The following CHODL variants were observed in gnomAD, a reference collection of about 807,000 sequenced individuals.
CHODL encodes the protein chondrolectin.
Under a neutral mutation model 34.5 loss-of-function variants are expected in CHODL, and 29 were observed. The observed-to-expected ratio is 0.84, with a 90% CI of 0.63 to 1.15. CHODL has a LOEUF of 1.15. CHODL is among the 50% of genes most tolerant of loss of function. The pLI is 0.00. For missense variants in CHODL, 332 were observed against 332.5 expected, an observed-to-expected ratio of 1.00 and a Z score of 0.01; for synonymous variants, 125 against 116.1, an observed-to-expected ratio of 1.08 and a Z score of -0.49.
At chr21:18,198,029 A>G (rs773659669) in intron 2 of CHODL, among the ~76,000 whole-genome samples, 1 of 152,262 alleles carries the variant, frequency 6.6e-6, no homozygotes, top group Admixed American at 6.5e-5. Flanking sequence ...ATGAAAAGCC[A>G]TTGTTATTAG....
In CHODL at chr21:18,256,714, T is replaced by G; in HGVS notation, c.285T>G (p.Ser95=). Reference sequence around the variant, plus strand: ...TGACAAAACCCGGGACAGGGATTTCTGATGGTGATTTCTGGATAGGGCTTT... The same window carrying G: ...TGACAAAACCCGGGACAGGGATTTCGGATGGTGATTTCTGGATAGGGCTTT... ...QNLTKPGTGI[S]DGDFWIGLWR... The change falls in exon 2 of 6, where the codon TCT becomes TCG. Residue 95 remains serine (S), a synonymous_variant. Coordinates refer to ENST00000299295, the MANE Select transcript of CHODL (RefSeq NM_024944.3). The G allele has an allele frequency of 6.2e-7, 1 of 1,614,106 alleles. No individual in the cohort carries two copies.
chr21:18,009,901 T>A (rs866639206), intron 1 of CHODL, among the ~76,000 whole-genome samples: 1,135 of 99,932 alleles, frequency 0.011, 3 homozygotes, highest in Middle Eastern at 0.042. Flanking sequence ...AAAAAAAAAA[T>A]AACATTTGGG....
intron 1 of CHODL, among the ~76,000 whole-genome samples, chr21:18,014,548 C>G (rs1340374596): frequency 6.6e-6 from 1 of 152,124 alleles, no homozygotes; most frequent in African/African-American, 2.4e-5. Context: ...ATCCCCAGTG[C>G]TGGAAGTGGG....
intron 2 of CHODL, among the ~76,000 whole-genome samples, chr21:18,100,992 G>T (rs1465430127): frequency 6.6e-6 from 1 of 152,062 alleles, no homozygotes; most frequent in Non-Finnish European, 1.5e-5. Flanking sequence ...TAAGTTTTGT[G>T]TGTGTTTGAA....
rs572874901 is a variant in CHODL at position 17,919,003 on chromosome 21, A to T, written c.-145+1603A>T. Among the ~76,000 whole-genome samples the T allele has an allele frequency of 9.8e-5, 15 of 152,340 alleles. 2 individuals carry two copies. The highest frequency in any genetic ancestry group is 3.6e-4 in the African/African-American group (15 of 41,594). On this transcript the variant is annotated intron_variant, in intron 1 of 6. Transcript: ENST00000400127. ...TCCTTTAACTCCATGCCTCACACCC[A>T]GGTCATGCTGATGTGAGAGGTGGGC...
intron 2 of CHODL, among the ~76,000 whole-genome samples, chr21:18,056,530 A>T (rs1484837611): frequency 6.6e-6 from 1 of 151,016 alleles, no homozygotes; most frequent in East Asian, 1.9e-4. Context: ...TAATTCAAAA[A>T]CTTCTGTTCT....
intron 1 of CHODL, among the ~76,000 whole-genome samples, chr21:17,987,328 C>T (rs1363998070): frequency 6.6e-6 from 1 of 152,150 alleles, no homozygotes; most frequent in Non-Finnish European, 1.5e-5. Flanking sequence ...GCCAGAATTA[C>T]TTCTTCAAAA....
chr21:18,090,064 G>T (rs2065053447), intron 2 of CHODL, among the ~76,000 whole-genome samples: 1 of 152,162 alleles, frequency 6.6e-6, no homozygotes. Flanking sequence ...ATATTCACAA[G>T]AAACATCAAA....
intron 1 of CHODL, among the ~76,000 whole-genome samples, chr21:17,983,202 A>G (rs2063728213): frequency 6.6e-6 from 1 of 152,222 alleles, no homozygotes; most frequent in Non-Finnish European, 1.5e-5. Context: ...CCATGCCTAT[A>G]GCCATAAAAT....
intron 1 of CHODL, among the ~76,000 whole-genome samples, chr21:18,020,989 G>C (rs1251000711): frequency 1.3e-5 from 2 of 152,074 alleles, no homozygotes; most frequent in Non-Finnish European, 2.9e-5. Context: ...CTTTCTTTTT[G>C]CATTAGGATG....
chr21:18,098,329 C>T (rs1008438007), intron 2 of CHODL, among the ~76,000 whole-genome samples: 8 of 151,480 alleles, frequency 5.3e-5, no homozygotes, highest in African/African-American at 1.9e-4. Context: ...GAATTAATAA[C>T]CAGAATATAT....
At chr21:18,180,428 G>C (rs1427571196) in intron 2 of CHODL, among the ~76,000 whole-genome samples, 1 of 152,182 alleles carries the variant, frequency 6.6e-6, no homozygotes. Context: ...ATAGGCATGA[G>C]CTACTGCTCC....
intron 2 of CHODL, among the ~76,000 whole-genome samples, chr21:18,134,922 G>C (rs1489819896): frequency 6.6e-6 from 1 of 152,126 alleles, no homozygotes; most frequent in Non-Finnish European, 1.5e-5. Flanking sequence ...ACCACACCAA[G>C]GTGAAAGTTC....
chr21:18,224,215 T>G (rs1327813859), intron 2 of CHODL, among the ~76,000 whole-genome samples: 1 of 152,146 alleles, frequency 6.6e-6, no homozygotes, highest in Non-Finnish European at 1.5e-5. Context: ...GGCTGATTCT[T>G]GGAATTTTTA....
chr21:18,250,789 T>C (rs1438735879), intron 1 of CHODL, among the ~76,000 whole-genome samples: 1 of 151,980 alleles, frequency 6.6e-6, no homozygotes, highest in African/African-American at 2.4e-5. Context: ...TGTGTGATTC[T>C]AATAAAACAT....
chr21:18,011,559 G>A (rs2064020209), intron 1 of CHODL, among the ~76,000 whole-genome samples: 1 of 152,136 alleles, frequency 6.6e-6, no homozygotes, highest in East Asian at 1.9e-4. Context: ...GAGAGGAAAT[G>A]TTTGTCTCAA....
At chr21:18,126,916 T>C (rs533502798) in intron 2 of CHODL, among the ~76,000 whole-genome samples, 3 of 152,306 alleles carry the variant, frequency 2.0e-5, no homozygotes, top group Non-Finnish European at 2.9e-5. Flanking sequence ...ACAGAAATCC[T>C]GGAATACTCA....
At chr21:17,930,403 T>TCCA (rs34587624) in intron 1 of CHODL, among the ~76,000 whole-genome samples, 45,782 of 151,954 alleles carry the variant, frequency 0.3, 8,428 homozygotes, top group South Asian at 0.47. Context: ...AATGACCAGA[T>TCCA]CCACCACTGT....
chr21:18,146,872 T>G (rs2072897071), intron 2 of CHODL, among the ~76,000 whole-genome samples: 1 of 152,232 alleles, frequency 6.6e-6, no homozygotes, highest in Non-Finnish European at 1.5e-5. Context: ...GCTTTTCTAG[T>G]GTTTCTGACT....
Sources: allele counts gnomAD v4.1 joint callset (sites outside exome capture counted in the v4.1 genomes callset), GRCh38; gene constraint gnomAD v4.1.1; transcripts MANE v1.5; gene names NCBI Gene and HGNC (gene_info 2026-07-23, HGNC 2026-07-21).